CFTR: variants seen among roughly 807,000 people sequenced by gnomAD.
CFTR encodes cystic fibrosis transmembrane conductance regulator.
CFTR carries 181 observed loss-of-function variants against 171.6 expected under a neutral mutation model. The observed-to-expected ratio is 1.05, with a 90% confidence interval of 0.93 to 1.19. The LOEUF (loss-of-function observed/expected upper bound fraction) is 1.19, where lower values mean the gene tolerates loss of function less well. CFTR is among the 50% of genes most tolerant of loss of function. The probability of loss-of-function intolerance (pLI) is 0.00; values close to 1 mark genes in which losing one functional copy is unlikely to be tolerated. For missense variants in CFTR, 1,968 were observed against 1,734.7 expected (o/e 1.13, Z -2.39); for synonymous variants, 583 against 608.0 (o/e 0.96, Z 0.60).
intron 16 of CFTR, 116 bp from the exon 17 acceptor site, chr7:117,603,416 T>C (rs1792254401): frequency 2.6e-6 from 3 of 1,137,574 alleles, no homozygotes; most frequent in Non-Finnish European, 1.3e-6. Flanking sequence ...GGGTGCATGC[T>C]CTTCTAATGC....
intron 10 of CFTR, among the ~76,000 whole-genome samples, chr7:117,557,823 G>T (rs368807785): frequency 1.1e-4 from 17 of 151,828 alleles, no homozygotes; most frequent in East Asian, 3.9e-4. Flanking sequence ...TTAATAGATG[G>T]GTTAAGCCAA....
At chr7:117,654,801 A>C (rs931023414) in intron 24 of CFTR, among the ~76,000 whole-genome samples, 1 of 152,182 alleles carries the variant, frequency 6.6e-6, no homozygotes, top group Non-Finnish European at 1.5e-5. Context: ...TACAGGAGCA[A>C]AGACTGCAGT....
intron 21 of CFTR, among the ~76,000 whole-genome samples, chr7:117,625,998 A>G (rs191712614): frequency 1.4e-3 from 207 of 152,260 alleles, no homozygotes; most frequent in Non-Finnish European, 1.4e-3. Context: ...CTCTATCATT[A>G]TTTAGGTTGT....
At chr7:117,610,743 C>G in intron 19 of CFTR, 74 bp downstream of exon 19, 1 of 1,526,086 alleles carries the variant, frequency 6.6e-7, no homozygotes, top group Middle Eastern at 1.7e-4. Context: ...TATTGTTAAT[C>G]TACTTAAAAA....
chr7:117,575,757 C>G (rs1207422802), intron 11 of CFTR, among the ~76,000 whole-genome samples: 1 of 152,068 alleles, frequency 6.6e-6, no homozygotes, highest in East Asian at 1.9e-4. Context: ...CCTTCTCTGC[C>G]TCTCTCCTTA....
chr7:117,609,422 C>A (rs1792348307), intron 18 of CFTR, among the ~76,000 whole-genome samples: 1 of 152,054 alleles, frequency 6.6e-6, no homozygotes, highest in African/African-American at 2.4e-5. Flanking sequence ...CACTGAACAG[C>A]ATATGGATAT....
chr7:117,655,730 C>G (rs1375818669), intron 24 of CFTR, among the ~76,000 whole-genome samples: 7 of 152,156 alleles, frequency 4.6e-5, no homozygotes, highest in Non-Finnish European at 1.0e-4. Context: ...TCCATTGGGG[C>G]TACTACACGA....
intron 23 of CFTR, among the ~76,000 whole-genome samples, chr7:117,648,022 G>GTA (rs771717112): frequency 6.0e-4 from 88 of 147,588 alleles, no homozygotes; most frequent in Non-Finnish European, 1.1e-3. Flanking sequence ...GTGTGTGTGT[G>GTA]TGTATATATA....
chr7:117,654,811 T>C (rs555971747), intron 24 of CFTR, among the ~76,000 whole-genome samples: 11 of 152,138 alleles, frequency 7.2e-5, no homozygotes, highest in Non-Finnish European at 1.5e-4. Flanking sequence ...AAGACTGCAG[T>C]GTGAGGTGGC....
At chr7:117,583,388 T>C (rs2106152) in intron 11 of CFTR, among the ~76,000 whole-genome samples, 152,155 of 152,156 alleles carry the variant, frequency 1, 76,077 homozygotes, top group Middle Eastern at 1. Context: ...GCAGCCTCAT[T>C]GGTTAGCTCC....
Position 117,509,105 on chromosome 7 carries a change from G to A in CFTR, c.236G>A (p.Trp79Ter), listed in dbSNP as rs397508371. 6.2e-7 allele frequency: 1 copy of A among 1,610,304 alleles called. No homozygotes were observed. The highest frequency in any genetic ancestry group is 8.5e-7 in the Non-Finnish European group (1 of 1,176,814). The change falls in exon 3 of 27, where the codon TGG (tryptophan) becomes TAG (stop). Residue 79 changes from tryptophan to a stop codon, truncating the protein, a stop_gained. Coordinates refer to ENST00000003084, the MANE Select transcript of CFTR (RefSeq NM_000492.4). LOFTEE classifies it high-confidence loss of function. ...LINALRRCFFWRFMFYGIFLY... is the reference protein window; with the variant it reads ...LINALRRCFF The stretch of plus-strand genomic sequence containing the variant: ...AATGCCCTTCGGCGATGTTTTTTCT[G>A]GAGATTTATGTTCTATGGAATCTTT...
In CFTR at chr7:117,548,699, A is replaced by G. The variant is rs1477185739; in HGVS notation, c.1268A>G (p.Asn423Ser). 1.9e-6 allele frequency: 3 copies of G among 1,613,344 alleles called. No homozygotes were observed. The highest frequency in any genetic ancestry group is 2.2e-5 in the East Asian group (1 of 44,856). ...AACAATAACAATAGAAAAACTTCTAATGGTGATGACAGCCTCTTCTTCAGT... is the reference window on the plus strand; with the variant it reads ...AACAATAACAATAGAAAAACTTCTAGTGGTGATGACAGCCTCTTCTTCAGT... The part of the protein sequence containing the change: ...KQNNNNRKTS[N>S]GDDSLFFSNF... Residue 423 changes from asparagine (N) to serine (S), a missense_variant, in exon 10 of 27, where the codon AAT becomes AGT. By Grantham distance (46) the Asn-to-Ser change is conservative (BLOSUM62 1). Coordinates refer to ENST00000003084, the MANE Select transcript of CFTR (RefSeq NM_000492.4).
chr7:117,668,128 T>C lies in CFTR; in HGVS notation c.*1020T>C, dbSNP rs2116228657. 6.6e-6 allele frequency: 1 copy of C among 152,296 alleles called. No homozygotes were observed. Among genetic ancestry groups the C allele is most frequent in the African/African-American group, 2.4e-5 (1 of 41,558 alleles). 9.4% of individuals were successfully genotyped at this position (152,296 alleles called of 1,614,324 possible). On this transcript the variant is annotated 3_prime_UTR_variant, in exon 27 of 27. Coordinates refer to ENST00000003084, the MANE Select transcript of CFTR (RefSeq NM_000492.4). ...CTAGATGTATGTACTTCATGCTGTC[T>C]ACACTAAGAGAGAATGAGAGACACA...
At chr7:117,555,974 G>A (rs986847056) in intron 10 of CFTR, among the ~76,000 whole-genome samples, 2 of 152,020 alleles carry the variant, frequency 1.3e-5, no homozygotes, top group Non-Finnish European at 2.9e-5. Context: ...TGTTGATAAA[G>A]GGTCAATGGT....
intron 9 of CFTR, among the ~76,000 whole-genome samples, chr7:117,542,417 A>G (rs1799071446): frequency 6.6e-6 from 1 of 152,070 alleles, no homozygotes; most frequent in Non-Finnish European, 1.5e-5. Context: ...GCATGGTGGC[A>G]GATGCTGTAG....
chr7:117,517,837 G>T (rs2116652638), intron 3 of CFTR, among the ~76,000 whole-genome samples: 1 of 152,154 alleles, frequency 6.6e-6, no homozygotes, highest in East Asian at 1.9e-4. Context: ...ATGTTTGTTG[G>T]CTGCATAAAT....
chr7:117,611,898 A>C, intron 20 of CFTR, 90 bp downstream of exon 20: 2 of 846,072 alleles, frequency 2.4e-6, no homozygotes, highest in Non-Finnish European at 3.8e-6. Context: ...TCAATTTTTG[A>C]TATCTTTAGA....
chr7:117,509,220 C>A, intron 3 of CFTR, 78 bp downstream of exon 3: 1 of 891,268 alleles, frequency 1.1e-6, no homozygotes, highest in Non-Finnish European at 1.9e-6. Flanking sequence ...ACTACGAAAT[C>A]TGGTGAATAG....
At position 117,609,904 on chromosome 7, in the gene CFTR, C is replaced by A. The variant is rs943999212; in HGVS notation, c.2989-615C>A. 3.9e-5 allele frequency among the ~76,000 whole-genome samples: 6 copies of A among 152,084 alleles called. No homozygotes were observed. The South Asian group carries it at 8.3e-4, about 21-fold the overall frequency. ...TCAAAAATGTTATCAGTGACCTAAA[C>A]AATTTTTAAAATTTTCATAGAGCCT... On this transcript the variant is annotated intron_variant, in intron 18 of 26. Coordinates refer to ENST00000003084, the MANE Select transcript of CFTR (RefSeq NM_000492.4).
Sources: gnomAD v4.1 joint callset for allele counts (sites outside exome capture counted in the v4.1 genomes callset) on GRCh38, gnomAD v4.1.1 for gene constraint, MANE v1.5 for transcripts, NCBI Gene and HGNC (gene_info 2026-07-23, HGNC 2026-07-21) for gene names.